The following DLGAP1 variants were observed in gnomAD, a reference collection of about 807,000 sequenced individuals.
DLGAP1 encodes DLG associated protein 1.
A neutral mutation model predicts 90.8 loss-of-function variants in DLGAP1; 11 were observed. The observed-to-expected ratio is 0.12, with a 90% CI of 0.08 to 0.20. The LOEUF (loss-of-function observed/expected upper bound fraction) is 0.20, where lower values mean the gene tolerates loss of function less well. DLGAP1 is among the 10% of genes least tolerant of loss of function. The probability of loss-of-function intolerance (pLI) is 1.00; values close to 1 mark genes in which losing one functional copy is unlikely to be tolerated. For synonymous variants in DLGAP1, 558 were observed against 540.7 expected (o/e 1.03, Z -0.44); for missense variants, 1,050 against 1,333.8 (o/e 0.79, Z 3.31).
intron 4 of DLGAP1, among the ~76,000 whole-genome samples, chr18:3,864,988 A>G (rs972926115): frequency 2.6e-5 from 4 of 152,104 alleles, no homozygotes; most frequent in Admixed American, 6.5e-5. Context: ...ACTCTGGGAT[A>G]TATGAGGCTC....
At chr18:4,049,226 C>CAA (rs71368721) in intron 2 of DLGAP1, among the ~76,000 whole-genome samples, 5 of 134,192 alleles carry the variant, frequency 3.7e-5, no homozygotes, top group Non-Finnish European at 3.2e-5. Flanking sequence ...GACTCTGTCT[C>CAA]AAAAAAAAAA....
intron 2 of DLGAP1, among the ~76,000 whole-genome samples, chr18:4,049,006 C>T (rs1370147648): frequency 1.1e-4 from 16 of 152,094 alleles, no homozygotes; most frequent in Admixed American, 9.8e-4. Context: ...GGAGGCAGAT[C>T]GCTTGAGGTC....
intron 1 of DLGAP1, among the ~76,000 whole-genome samples, chr18:4,305,599 G>A (rs1479861465): frequency 3.3e-5 from 5 of 150,834 alleles, no homozygotes; most frequent in East Asian, 1.9e-4. Flanking sequence ...ACGAAGACAC[G>A]ACCTTTACAT....
Position 3,879,889 on chromosome 18 carries a change from G to T in DLGAP1, c.180C>A (p.Pro60=). The change falls in exon 4 of 13, where the codon CCC becomes CCA. Residue 60 remains proline (P), a synonymous_variant. Transcript: ENST00000315677. The surrounding 1 kb of genome is among the most constrained non-coding windows in gnomAD (Gnocchi z 6.6). Reference sequence around the variant, plus strand: ...TGCTGCTGGCCAGCGGGTCGCTGAAGGGGCCCACGCACTCAGCCTGGAAGG... The same window carrying T: ...TGCTGCTGGCCAGCGGGTCGCTGAATGGGCCCACGCACTCAGCCTGGAAGG... The part of the protein sequence containing the change: ...RNSFQAECVG[P]FSDPLASSTF... 6.2e-7 allele frequency: 1 copy of T among 1,611,846 alleles called. No homozygotes were observed.
intron 7 of DLGAP1, among the ~76,000 whole-genome samples, chr18:3,713,559 T>C (rs969982089): frequency 2.2e-4 from 34 of 152,214 alleles, no homozygotes; most frequent in Non-Finnish European, 4.4e-4. Flanking sequence ...TTAAGGCATA[T>C]GGTATAAGAT....
At chr18:4,187,727 G>A (rs1444006059) in intron 1 of DLGAP1, among the ~76,000 whole-genome samples, 2 of 152,126 alleles carry the variant, frequency 1.3e-5, no homozygotes, top group African/African-American at 4.8e-5. Flanking sequence ...GCTGGGCGTG[G>A]TGGCTCATGC....
At chr18:3,500,915 C>CTAT (rs147460403) in intron 12 of DLGAP1, among the ~76,000 whole-genome samples, 6,410 of 151,458 alleles carry the variant, frequency 0.042, 365 homozygotes, top group African/African-American at 0.13. Context: ...ACAATGATTA[C>CTAT]TATTATTATT....
intron 3 of DLGAP1, among the ~76,000 whole-genome samples, chr18:3,925,864 C>T (rs2072370785): frequency 6.6e-6 from 1 of 152,214 alleles, no homozygotes; most frequent in Non-Finnish European, 1.5e-5. Context: ...AAAAACCAAA[C>T]TGAAACCCAA....
At chr18:3,572,744 C>T (rs1489805960) in intron 8 of DLGAP1, among the ~76,000 whole-genome samples, 8 of 152,158 alleles carry the variant, frequency 5.3e-5, no homozygotes. Context: ...GCCACTACAC[C>T]CGGCCTTTAG....
At chr18:3,510,510 G>A (rs921165923) in intron 10 of DLGAP1, among the ~76,000 whole-genome samples, 3 of 152,180 alleles carry the variant, frequency 2.0e-5, no homozygotes, top group Non-Finnish European at 2.9e-5. Context: ...TGCTCTCTGG[G>A]TGACCTGTTC....
At chr18:3,785,406 T>G (rs1242433627) in intron 5 of DLGAP1, among the ~76,000 whole-genome samples, 1 of 151,906 alleles carries the variant, frequency 6.6e-6, no homozygotes, top group Non-Finnish European at 1.5e-5. Context: ...AGCAGATTAA[T>G]AGAAAAAAAG....
At chr18:3,629,466 T>C (rs2058437064) in intron 7 of DLGAP1, among the ~76,000 whole-genome samples, 1 of 151,822 alleles carries the variant, frequency 6.6e-6, no homozygotes, top group Admixed American at 6.6e-5. Flanking sequence ...GGTCAGGAGA[T>C]CGAGACCATC....
intron 5 of DLGAP1, among the ~76,000 whole-genome samples, chr18:3,784,210 T>C (rs60778503): frequency 0.011 from 1,726 of 152,182 alleles, 35 homozygotes; most frequent in African/African-American, 0.039. Flanking sequence ...CCCCAAGCCA[T>C]TGTTTGTTCC....
chr18:3,871,402 A>C (rs1568266135), intron 4 of DLGAP1, among the ~76,000 whole-genome samples: 3 of 152,102 alleles, frequency 2.0e-5, no homozygotes, highest in Non-Finnish European at 2.9e-5. Flanking sequence ...GGGGAAAAAA[A>C]CCCAACTCTG....
intron 4 of DLGAP1, chr18:3,874,764 CA>C (rs904734203): frequency 7.0e-7 from 1 of 1,434,552 alleles, no homozygotes; most frequent in African/African-American, 1.4e-5. Context: ...TAGTTCTAAA[CA>C]GCAGACATCT....
At chr18:3,880,969 A>G (rs1898838453) in intron 3 of DLGAP1, among the ~76,000 whole-genome samples, 1 of 148,954 alleles carries the variant, frequency 6.7e-6, no homozygotes, top group African/African-American at 2.5e-5. Context: ...AAAAAAAAAG[A>G]AAAAGAAAAC....
At chr18:4,450,445 A>T (rs1284047271) in intron 1 of DLGAP1, among the ~76,000 whole-genome samples, 2 of 152,212 alleles carry the variant, frequency 1.3e-5, no homozygotes, top group Non-Finnish European at 2.9e-5. Flanking sequence ...ACCAGAGTAA[A>T]GCAGCAAAGC....
intron 1 of DLGAP1, among the ~76,000 whole-genome samples, chr18:4,267,517 T>TA (rs2079157332): frequency 6.6e-6 from 1 of 152,128 alleles, no homozygotes; most frequent in East Asian, 1.9e-4. Context: ...GATATGTGAG[T>TA]AATCATAAAA....
intron 3 of DLGAP1, among the ~76,000 whole-genome samples, chr18:3,935,337 T>G (rs2072611782): frequency 6.6e-6 from 1 of 152,148 alleles, no homozygotes; most frequent in South Asian, 2.1e-4. Flanking sequence ...ATTAATTAAG[T>G]GTTGGAATTT....
Sources: gnomAD v4.1 joint callset for allele counts (sites outside exome capture counted in the v4.1 genomes callset) on GRCh38, gnomAD v4.1.1 for gene constraint, Gnocchi (gnomAD v3.1) non-coding constraint, MANE v1.5 for transcripts, NCBI Gene and HGNC (gene_info 2026-07-23, HGNC 2026-07-21) for gene names.